The following TDRP variants were observed in gnomAD, a reference collection of about 807,000 sequenced individuals.
The protein encoded by TDRP is testis development related protein, also known as testis development-related protein.
TDRP carries 12 observed loss-of-function variants against 10.5 expected under a neutral mutation model. The observed-to-expected ratio is 1.15, with a 90% CI of 0.73 to 1.86. The LOEUF (loss-of-function observed/expected upper bound fraction) is 1.86. TDRP is among the 40% of genes most tolerant of loss of function. The pLI, the probability that TDRP is intolerant of heterozygous loss-of-function variation, is 0.00. For missense variants in TDRP, 353 were observed against 229.2 expected (o/e 1.54, Z -3.49); for synonymous variants, 139 against 95.4 (o/e 1.46, Z -2.67).
intron 1 of TDRP, among the ~76,000 whole-genome samples, chr8:539,502 G>T (rs1376810889): frequency 6.6e-6 from 1 of 152,266 alleles, no homozygotes; most frequent in South Asian, 2.1e-4. Flanking sequence ...AAACACAGAC[G>T]AAAGAATGAG....
chr8:515,160 T>C (rs928323092), intron 1 of TDRP, among the ~76,000 whole-genome samples: 4 of 152,208 alleles, frequency 2.6e-5, no homozygotes, highest in African/African-American at 9.6e-5. Flanking sequence ...GTATGTTCTG[T>C]GCACAGCCAG....
intron 1 of TDRP, among the ~76,000 whole-genome samples, chr8:502,323 G>A (rs963135449): frequency 2.6e-5 from 4 of 152,172 alleles, no homozygotes; most frequent in African/African-American, 9.7e-5. Flanking sequence ...CAAACTGTGA[G>A]ACCAAATCCC....
intron 1 of TDRP, among the ~76,000 whole-genome samples, chr8:523,992 G>A (rs1801973105): frequency 6.6e-6 from 1 of 152,222 alleles, no homozygotes; most frequent in Admixed American, 6.5e-5. Context: ...AGGGCCTTGA[G>A]CGAGATCCAG....
At chr8:512,250 C>CT (rs766984790) in intron 1 of TDRP, among the ~76,000 whole-genome samples, 1 of 150,164 alleles carries the variant, frequency 6.7e-6, no homozygotes, top group Non-Finnish European at 1.5e-5. Context: ...AGTGAAACCC[C>CT]TTCTCTACAA....
intron 1 of TDRP, among the ~76,000 whole-genome samples, chr8:543,736 C>CTCT (rs1387771024): frequency 1.3e-5 from 2 of 152,142 alleles, no homozygotes. Flanking sequence ...CTAAGAGAAA[C>CTCT]TCTTCTGCTC....
At position 534,054 on chromosome 8, in the gene TDRP, T is replaced by C. The variant is rs951067332; in HGVS notation, c.108+10596A>G. ...CCTAGTTATTTAATATTTTTAAAAA[T>C]TGGAAAATGAAGAAAAATGGTATCA... On this transcript the variant is annotated intron_variant, in intron 1 of 2. Transcript: ENST00000324079. Among the ~76,000 whole-genome samples, 4 of 152,136 alleles carry C rather than the reference T, an allele frequency of 2.6e-5. No individual in the cohort carries two copies. In the South Asian group the frequency reaches 6.2e-4, roughly 24 times the overall value.
intron 1 of TDRP, among the ~76,000 whole-genome samples, chr8:497,224 T>G (rs562402783): frequency 1.3e-5 from 2 of 152,328 alleles, no homozygotes; most frequent in South Asian, 4.1e-4. Flanking sequence ...TCCTAGAGAC[T>G]TGTTGAATGG....
At chr8:520,399 G>A (rs929379092) in intron 1 of TDRP, among the ~76,000 whole-genome samples, 4 of 152,176 alleles carry the variant, frequency 2.6e-5, no homozygotes, top group African/African-American at 7.2e-5. Flanking sequence ...AAGTGGTGCT[G>A]TAATGAACAT....
intron 1 of TDRP, among the ~76,000 whole-genome samples, chr8:523,437 C>G (rs767432972): frequency 1.3e-5 from 2 of 152,102 alleles, no homozygotes; most frequent in African/African-American, 4.8e-5. Context: ...TTTATAAGAA[C>G]TAAAAATCAG....
At chr8:528,527 A>C (rs1197721256) in intron 1 of TDRP, among the ~76,000 whole-genome samples, 1 of 149,908 alleles carries the variant, frequency 6.7e-6, no homozygotes, top group Non-Finnish European at 1.5e-5. Flanking sequence ...CATCAACATC[A>C]ACATACAAAA....
chr8:491,486 A>C lies in TDRP; in HGVS notation c.*913T>G. On this transcript the variant is annotated 3_prime_UTR_variant, in exon 3 of 3. Transcript: ENST00000324079. ...CGTCGATTATTCTTGTGGAAAAAAC[A>C]CAGCTTCTTACAGATCTAACACCAA... is the stretch of plus-strand genomic sequence containing the variant. 1 of 894,266 alleles carries C rather than the reference A, an allele frequency of 1.1e-6. No individual in the cohort carries two copies. The highest frequency in any genetic ancestry group is 1.6e-6 in the Non-Finnish European group (1 of 641,292). 55.4% of individuals were successfully genotyped at this position (894,266 alleles called of 1,614,324 possible). A position where few individuals can be genotyped will look rare whatever the true frequency, so the allele number is the denominator to read the frequency against.
chr8:508,283 A>G (rs553998983), intron 1 of TDRP, among the ~76,000 whole-genome samples: 1 of 152,342 alleles, frequency 6.6e-6, no homozygotes, highest in South Asian at 2.1e-4. Context: ...AGAAAAAATT[A>G]AGTGAACTTG....
At chr8:496,623 T>A (rs1801143385) in intron 1 of TDRP, among the ~76,000 whole-genome samples, 1 of 152,162 alleles carries the variant, frequency 6.6e-6, no homozygotes, top group Non-Finnish European at 1.5e-5. Context: ...CACCCCTCCA[T>A]GGACTGCCCA....
intron 1 of TDRP, among the ~76,000 whole-genome samples, chr8:528,036 T>C (rs575706011): frequency 6.6e-5 from 10 of 152,112 alleles, no homozygotes; most frequent in East Asian, 1.9e-4. Context: ...AATCAGAATA[T>C]AAAAGGTGCT....
chr8:493,732 C>G lies in TDRP; in HGVS notation c.212+762G>C, dbSNP rs566550574. On this transcript the variant is annotated intron_variant, in intron 2 of 2. Coordinates refer to ENST00000324079, the MANE Select transcript of TDRP (RefSeq NM_001384899.1). Reference sequence around the variant, plus strand: ...ATTCTCTAAAATCTTTTACAGTTTACCAGTCAATCCTTTGTATTTTTAACA... The same window carrying G: ...ATTCTCTAAAATCTTTTACAGTTTAGCAGTCAATCCTTTGTATTTTTAACA... Among the ~76,000 whole-genome samples the G allele has an allele frequency of 3.3e-5, 5 of 152,228 alleles. No homozygotes were observed. The South Asian group carries it at 8.3e-4, about 25-fold the overall frequency.
At chr8:528,413 T>C (rs941209254) in intron 1 of TDRP, among the ~76,000 whole-genome samples, 4 of 131,020 alleles carry the variant, frequency 3.1e-5, no homozygotes, top group Non-Finnish European at 6.9e-5. Flanking sequence ...GCTAGATATA[T>C]ACCCAAAAGA....
intron 1 of TDRP, among the ~76,000 whole-genome samples, chr8:519,956 T>C (rs1436800517): frequency 1.3e-5 from 2 of 152,190 alleles, no homozygotes; most frequent in East Asian, 3.8e-4. Flanking sequence ...GCAATTTATG[T>C]GCTTTACCGG....
At chr8:504,588 C>T (rs1036230341) in intron 1 of TDRP, among the ~76,000 whole-genome samples, 8 of 152,154 alleles carry the variant, frequency 5.3e-5, no homozygotes, top group African/African-American at 1.7e-4. Flanking sequence ...CAGTGCAAAC[C>T]GTAAAACCAC....
intron 1 of TDRP, among the ~76,000 whole-genome samples, chr8:498,913 CAAGT>C (rs1447901640): frequency 6.6e-5 from 10 of 151,948 alleles, no homozygotes; most frequent in Non-Finnish European, 1.3e-4. Context: ...CTCCTGCCAC[CAAGT>C]AAGATGTGCC....
Sources: gnomAD v4.1 joint callset for allele counts (sites outside exome capture counted in the v4.1 genomes callset) on GRCh38, gnomAD v4.1.1 for gene constraint, MANE v1.5 for transcripts, NCBI Gene and HGNC (gene_info 2026-07-23, HGNC 2026-07-21) for gene names.